GLOD4: variants seen among roughly 807,000 people sequenced by gnomAD.
GLOD4 encodes glyoxalase domain-containing protein 4.
A neutral mutation model predicts 39.1 loss-of-function variants in GLOD4; 44 were observed. The observed-to-expected ratio is 1.13, with a 90% CI of 0.88 to 1.45. The LOEUF (loss-of-function observed/expected upper bound fraction) is 1.45, where lower values mean the gene tolerates loss of function less well. Ranked by LOEUF, GLOD4 falls within the 40% of genes most tolerant of loss-of-function variation. GLOD4 has a pLI of 0.00. For missense variants in GLOD4, 405 were observed against 366.4 expected, an observed-to-expected ratio of 1.11 and a Z score of -0.86; for synonymous variants, 145 against 135.0, an observed-to-expected ratio of 1.07 and a Z score of -0.52.
intron 1 of GLOD4, among the ~76,000 whole-genome samples, chr17:779,267 T>C (rs192616789): frequency 1.9e-3 from 253 of 131,500 alleles, no homozygotes; most frequent in African/African-American, 7.2e-3. Flanking sequence ...TGAGCCGAGA[T>C]CGTGCCCCTG....
rs1479122880 is a variant in GLOD4, at chr17:765,397, C to T, written c.831+4472G>A. 2.0e-5 allele frequency: 3 copies of T among 150,598 alleles called. 1 individual carries two copies. The highest frequency in any genetic ancestry group is 1.4e-4 in the Admixed American group (2 of 14,764). 9.3% of individuals were successfully genotyped at this position (150,598 alleles called of 1,614,324 possible). ...GTTCAGGGCAGAGGTAAGGAGAGGT[C>T]GCAGGTAAGCTCTCATCAGAGTGGA... On this transcript the variant is annotated intron_variant, in intron 8 of 8. Coordinates refer to ENST00000301329, the MANE Select transcript of GLOD4 (RefSeq NM_016080.4).
upstream of GLOD4, among the ~76,000 whole-genome samples, chr17:785,556 C>T (rs950846640): frequency 1.3e-5 from 2 of 152,194 alleles, no homozygotes; most frequent in Non-Finnish European, 2.9e-5. Flanking sequence ...ACAGAGCGGT[C>T]GCCAGTAAGT....
chr17:777,333 C>G lies in GLOD4; in HGVS notation c.141-345G>C, dbSNP rs147581228. The G allele has an allele frequency of 3.9e-4, 95 of 241,776 alleles. 1 individual carries two copies. In the East Asian group the frequency reaches 6.5e-3, roughly 16 times the overall value. 15.0% of individuals were successfully genotyped at this position (241,776 alleles called of 1,614,324 possible). On this transcript the variant is annotated intron_variant, in intron 2 of 8. Transcript: ENST00000301329. ...CCTAATAGGCCTTGGACTGTTCCAA[C>G]TTGTCACGGTACTAAGCTTAAGAGA...
At chr17:771,193 T>C (rs1907892615) in intron 5 of GLOD4, 132 bp downstream of exon 5, 5 of 608,310 alleles carry the variant, frequency 8.2e-6, no homozygotes, top group Admixed American at 2.9e-5. Context: ...TATATAAATA[T>C]TGAATCACTG....
intron 1 of GLOD4, among the ~76,000 whole-genome samples, chr17:779,924 G>T (rs1016985975): frequency 1.3e-5 from 2 of 152,128 alleles, no homozygotes; most frequent in African/African-American, 4.8e-5. Flanking sequence ...CAGCACTTTG[G>T]GAGGCCGAGG....
intron 4 of GLOD4, among the ~76,000 whole-genome samples, chr17:774,430 T>G (rs1209794459): frequency 5.3e-5 from 8 of 152,232 alleles, no homozygotes; most frequent in Non-Finnish European, 1.0e-4. Flanking sequence ...TTTCCCCGTT[T>G]TTGCTTTTGT....
upstream of GLOD4, chr17:783,238 T>A (rs1357444980): frequency 5.6e-6 from 9 of 1,614,084 alleles, no homozygotes; most frequent in South Asian, 9.9e-5. Context: ...GAGTTGCCAG[T>A]CGATAAGCTG....
At chr17:762,926 C>A (rs998841441) in intron 8 of GLOD4, among the ~76,000 whole-genome samples, 2 of 152,206 alleles carry the variant, frequency 1.3e-5, no homozygotes, top group Non-Finnish European at 2.9e-5. Context: ...CCTGTAATCC[C>A]AACACTTTGG....
chr17:782,791 C>A, upstream of GLOD4: 1 of 1,296,600 alleles, frequency 7.7e-7, no homozygotes, highest in Non-Finnish European at 1.0e-6. Context: ...TCCAGTACAG[C>A]CCGCTGGTTT....
chr17:783,000 CTTTA>C, upstream of GLOD4: 2 of 1,519,692 alleles, frequency 1.3e-6, no homozygotes, highest in Non-Finnish European at 1.8e-6. Flanking sequence ...CTCCGTAGCT[CTTTA>C]TTTCTGTTAC....
chr17:779,668 C>A (rs1293504652), intron 1 of GLOD4, among the ~76,000 whole-genome samples: 5 of 151,630 alleles, frequency 3.3e-5, no homozygotes, highest in Non-Finnish European at 7.4e-5. Context: ...ATTTGGAATT[C>A]TGTCATTTAG....
chr17:782,771 G>A (rs1910210294), upstream of GLOD4: 2 of 1,432,550 alleles, frequency 1.4e-6, no homozygotes, highest in Middle Eastern at 2.4e-4. Flanking sequence ...CCTTCCGATG[G>A]AGGACTTCTT....
chr17:777,914 G>C (rs550754821), intron 2 of GLOD4, among the ~76,000 whole-genome samples: 2 of 152,290 alleles, frequency 1.3e-5, no homozygotes, highest in South Asian at 4.1e-4. Context: ...AATGATTAGA[G>C]GACTGAACTT....
At chr17:763,177 C>T (rs1208265215) in intron 8 of GLOD4, among the ~76,000 whole-genome samples, 4 of 127,448 alleles carry the variant, frequency 3.1e-5, no homozygotes, top group East Asian at 4.2e-4. Context: ...AGCGAGACTC[C>T]GTCTAAAAAA....
At position 776,889 on chromosome 17, in the gene GLOD4, G is replaced by A. The variant is rs143088969; in HGVS notation, c.240C>T (p.Tyr80=). 3.1e-6 allele frequency: 5 copies of A among 1,613,188 alleles called. No individual in the cohort carries two copies. The highest frequency in any genetic ancestry group is 1.1e-5 in the South Asian group (1 of 91,066). The change falls in exon 3 of 9, where the codon TAC becomes TAT. Residue 80 remains tyrosine (Y), a synonymous_variant. Coordinates refer to ENST00000301329, the MANE Select transcript of GLOD4 (RefSeq NM_016080.4). ...TTACCATAAAGTCATTGCCAAGCTT[G>A]TAGTCTCCGACGCCATAATTGTAAG... ...ELTYNYGVGD[Y]KLGNDFMGIT...
chr17:763,883 T>C (rs1905991723), intron 8 of GLOD4: 1 of 152,058 alleles, frequency 6.6e-6, no homozygotes, highest in South Asian at 2.1e-4. Context: ...TTCACCAAAA[T>C]AAAAAATTCC....
chr17:769,236 G>A (rs1025007528), intron 8 of GLOD4, among the ~76,000 whole-genome samples: 34 of 151,060 alleles, frequency 2.3e-4, no homozygotes, highest in African/African-American at 7.5e-4. Flanking sequence ...GCATCTCCAC[G>A]GGGAGAGCTG....
At position 776,850 on chromosome 17, in the gene GLOD4, G is replaced by T; in HGVS notation, c.261+18C>A. 6.2e-7 allele frequency: 1 copy of T among 1,607,266 alleles called. No homozygotes were observed. Among genetic ancestry groups the T allele is most frequent in the Non-Finnish European group, 8.5e-7 (1 of 1,173,962 alleles). The stretch of plus-strand genomic sequence containing the variant: ...CCTACCCCCAGCCAAAACTCTGCTA[G>T]AAAAAAACGGTATTTACCATAAAGT... On this transcript the variant is annotated intron_variant, in intron 3 of 8. Transcript: ENST00000301329.
At chr17:776,603 G>A (rs1387321032) in intron 3 of GLOD4, among the ~76,000 whole-genome samples, 1 of 151,960 alleles carries the variant, frequency 6.6e-6, no homozygotes, top group Admixed American at 6.6e-5. Flanking sequence ...CTCTTACCAC[G>A]CTCCCCTCTC....
Sources: allele counts gnomAD v4.1 joint callset (sites outside exome capture counted in the v4.1 genomes callset), GRCh38; gene constraint gnomAD v4.1.1; transcripts MANE v1.5; gene names NCBI Gene and HGNC (gene_info 2026-07-23, HGNC 2026-07-21).